The following PDE2A variants were observed in gnomAD, a reference collection of about 807,000 sequenced individuals.
The protein encoded by PDE2A is phosphodiesterase 2A.
Under a neutral mutation model 133.6 loss-of-function variants are expected in PDE2A, and 53 were observed. The ratio of observed to expected loss-of-function variants is 0.40; its 90% CI spans 0.32 to 0.50. PDE2A has a LOEUF of 0.50. PDE2A is among the 20% of genes least tolerant of loss of function. The pLI is 0.73. For synonymous variants in PDE2A, 491 were observed against 490.2 expected (o/e 1.00, Z -0.02); for missense variants, 796 against 1,232.4 (o/e 0.65, Z 5.30).
intron 2 of PDE2A, among the ~76,000 whole-genome samples, chr11:72,624,027 C>T (rs1190127020): frequency 2.7e-5 from 4 of 149,072 alleles, no homozygotes; most frequent in African/African-American, 5.0e-5. Flanking sequence ...GTATTTCACT[C>T]GTCACCCAGG....
chr11:72,666,838 G>T (rs1855246330), intron 1 of PDE2A, among the ~76,000 whole-genome samples: 2 of 152,222 alleles, frequency 1.3e-5, no homozygotes, highest in African/African-American at 2.4e-5. Flanking sequence ...GGGTGCAGTG[G>T]CTCATGCCTG....
chr11:72,579,633 C>T (rs1855627911), intron 25 of PDE2A, 25 bp from the exon 26 acceptor site: 3 of 1,563,432 alleles, frequency 1.9e-6, no homozygotes, highest in African/African-American at 1.4e-5. Context: ...GTGATGGGGG[C>T]CCAGCTGGGG....
chr11:72,645,463 T>C (rs1459418242), intron 1 of PDE2A, among the ~76,000 whole-genome samples: 1 of 152,206 alleles, frequency 6.6e-6, no homozygotes, highest in African/African-American at 2.4e-5. Context: ...CGAGCTCTTA[T>C]AGCTAGGAGT....
intron 1 of PDE2A, chr11:72,668,532 G>A: frequency 1.4e-6 from 1 of 696,990 alleles, no homozygotes; most frequent in Admixed American, 2.0e-5. Context: ...GAGGGAAGAG[G>A]TCGATGCTGC....
chr11:72,642,354 A>G, intron 1 of PDE2A, 28 bp from the exon 2 acceptor site: 1 of 1,521,602 alleles, frequency 6.6e-7, no homozygotes, highest in Non-Finnish European at 8.8e-7. Context: ...AGCGATGAGG[A>G]TGTGGTGCAG....
At chr11:72,642,347 G>A in intron 1 of PDE2A, 21 bp from the exon 2 acceptor site, 9 of 1,529,934 alleles carry the variant, frequency 5.9e-6, no homozygotes, top group Non-Finnish European at 7.9e-6. Flanking sequence ...GGACAACAGC[G>A]ATGAGGATGT....
At chr11:72,619,164 AGAT>A (rs1465716389) in intron 2 of PDE2A, among the ~76,000 whole-genome samples, 2 of 152,214 alleles carry the variant, frequency 1.3e-5, no homozygotes, top group African/African-American at 4.8e-5. Context: ...AGCCTTGAAA[AGAT>A]GATGATGCCC....
intron 2 of PDE2A, among the ~76,000 whole-genome samples, chr11:72,641,231 TCCC>T (rs879786598): frequency 6.6e-6 from 1 of 151,802 alleles, no homozygotes; most frequent in Non-Finnish European, 1.5e-5. Flanking sequence ...CACCACATCA[TCCC>T]CCCACCACCT....
At chr11:72,672,808 T>C (rs1855415397) in intron 1 of PDE2A, among the ~76,000 whole-genome samples, 1 of 152,060 alleles carries the variant, frequency 6.6e-6, no homozygotes, top group South Asian at 2.1e-4. Context: ...TGCCTATTTC[T>C]TTTCTGCATC....
Position 72,583,447 on chromosome 11 carries a change from G to A in PDE2A, c.1719C>T (p.Tyr573=). The change falls in exon 20 of 31, where the codon TAC becomes TAT. Residue 573 remains tyrosine, a synonymous_variant. Coordinates refer to ENST00000334456, the MANE Select transcript of PDE2A (RefSeq NM_002599.5). Reference sequence around the variant, plus strand: ...TCTCTGCAAGCCTCACCTTCATGTGGTACATCATCATCTCATTGGCCAGGT... The same window carrying A: ...TCTCTGCAAGCCTCACCTTCATGTGATACATCATCATCTCATTGGCCAGGT... The part of the protein sequence containing the change: ...RSHLANEMMM[Y]HMKVSDDEYT... 1 of 1,609,882 alleles carries A rather than the reference G, an allele frequency of 6.2e-7. No individual in the cohort carries two copies. Among genetic ancestry groups the A allele is most frequent in the Non-Finnish European group, 8.5e-7 (1 of 1,176,210 alleles).
chr11:72,643,483 A>AC (rs1230728213), intron 1 of PDE2A: 1 of 152,180 alleles, frequency 6.6e-6, no homozygotes, highest in Non-Finnish European at 1.5e-5. Flanking sequence ...CCCTCACAGG[A>AC]CGGCCAGGAG....
intron 1 of PDE2A, among the ~76,000 whole-genome samples, chr11:72,669,633 C>T (rs1265555241): frequency 6.6e-6 from 1 of 152,186 alleles, no homozygotes; most frequent in African/African-American, 2.4e-5. Context: ...AAGGAGCAGA[C>T]AAGGCTGTTC....
At chr11:72,629,431 G>C (rs201282717) in intron 2 of PDE2A, among the ~76,000 whole-genome samples, 5 of 152,232 alleles carry the variant, frequency 3.3e-5, no homozygotes, top group East Asian at 1.9e-4. Flanking sequence ...CTTTCCTGGC[G>C]GGTGGCCGAG....
At chr11:72,673,004 C>T (rs1297161325) in intron 1 of PDE2A, among the ~76,000 whole-genome samples, 1 of 151,804 alleles carries the variant, frequency 6.6e-6, no homozygotes, top group Non-Finnish European at 1.5e-5. Flanking sequence ...ACACCAGCCA[C>T]AGAAGCACCG....
At chr11:72,626,679 C>T (rs1042223023) in intron 2 of PDE2A, among the ~76,000 whole-genome samples, 5 of 152,232 alleles carry the variant, frequency 3.3e-5, no homozygotes, top group African/African-American at 1.2e-4. Flanking sequence ...CCCAGCGAAG[C>T]CCTACTCCAC....
chr11:72,591,762 T>G (rs1028479805), intron 6 of PDE2A, among the ~76,000 whole-genome samples: 1 of 152,240 alleles, frequency 6.6e-6, no homozygotes, highest in African/African-American at 2.4e-5. Flanking sequence ...GGGTTTGAGC[T>G]GCCCCTAAGT....
chr11:72,590,340 C>T lies in PDE2A; in HGVS notation c.703+87G>A. Reference sequence around the variant, plus strand: ...CTCAGCTCCGCGCCGGGCCCGCCGCCGGCTCCCGGGATCGCCTAACCCGCC... The same window carrying T: ...CTCAGCTCCGCGCCGGGCCCGCCGCTGGCTCCCGGGATCGCCTAACCCGCC... On this transcript the variant is annotated intron_variant, in intron 8 of 30. Coordinates refer to ENST00000334456, the MANE Select transcript of PDE2A (RefSeq NM_002599.5). This position sits in a 1 kb window ranked among gnomAD's most constrained non-coding sequence, Gnocchi z 4.8. 6.5e-6 allele frequency: 10 copies of T among 1,538,668 alleles called. No homozygotes were observed. The highest frequency in any genetic ancestry group is 8.8e-6 in the Non-Finnish European group (10 of 1,136,594).
At chr11:72,619,473 G>A (rs1857640075) in intron 2 of PDE2A, among the ~76,000 whole-genome samples, 1 of 152,168 alleles carries the variant, frequency 6.6e-6, no homozygotes, top group African/African-American at 2.4e-5. Context: ...GTAGGTCTGT[G>A]TCTCTGTAGG....
intron 2 of PDE2A, among the ~76,000 whole-genome samples, chr11:72,634,108 G>A (rs935110376): frequency 6.6e-6 from 1 of 152,186 alleles, no homozygotes; most frequent in South Asian, 2.1e-4. Flanking sequence ...CGCCAGAGAC[G>A]AGACCTCACG....
Sources: gnomAD v4.1 joint callset for allele counts (sites outside exome capture counted in the v4.1 genomes callset) on GRCh38, gnomAD v4.1.1 for gene constraint, Gnocchi (gnomAD v3.1) non-coding constraint, MANE v1.5 for transcripts, NCBI Gene and HGNC (gene_info 2026-07-23, HGNC 2026-07-21) for gene names.